The following ADGRB3 variants were observed in gnomAD, a reference collection of about 807,000 sequenced individuals.
ADGRB3 encodes the protein brain-specific angiogenesis inhibitor 3.
Under a neutral mutation model 193.4 loss-of-function variants are expected in ADGRB3, and 37 were observed. The ratio of observed to expected loss-of-function variants is 0.19; its 90% confidence interval spans 0.15 to 0.25. The LOEUF is 0.25. ADGRB3 is among the 10% of genes least tolerant of loss of function. The pLI is 1.00. For missense variants in ADGRB3, 1,637 were observed against 1,852.9 expected, an observed-to-expected ratio of 0.88 and a Z score of 2.14; for synonymous variants, 690 against 644.2, an observed-to-expected ratio of 1.07 and a Z score of -1.08.
intron 3 of ADGRB3, among the ~76,000 whole-genome samples, chr6:68,791,854 A>G (rs756154809): frequency 6.6e-6 from 1 of 152,190 alleles, no homozygotes; most frequent in Non-Finnish European, 1.5e-5. Context: ...CCAAGCCAAA[A>G]ATATAATAAT....
chr6:68,723,216 G>A (rs1765614383), intron 3 of ADGRB3, among the ~76,000 whole-genome samples: 1 of 151,762 alleles, frequency 6.6e-6, no homozygotes, highest in African/African-American at 2.4e-5. Flanking sequence ...CATGGAGTCA[G>A]TTCTTAGATC....
At position 69,372,527 on chromosome 6, in the gene ADGRB3, G is replaced by A. The variant is rs536326312; in HGVS notation, c.4275+86G>A. The A allele has an allele frequency of 9.9e-4, 598 of 605,132 alleles. 3 individuals are homozygous for A. The highest frequency in any genetic ancestry group is 1.4e-3 in the Non-Finnish European group (525 of 382,632). The allele number at this position is 605,132 out of a possible 1,614,324, so 37.5% of individuals were successfully genotyped here. ...TACTTAAAAATTATTACTCTATGCA[G>A]CCATGTAAGGGTATTATGTACTAAT... On this transcript the variant is annotated intron_variant, in intron 30 of 31. Transcript: ENST00000370598.
At chr6:69,120,860 C>T (rs1224694338) in intron 17 of ADGRB3, among the ~76,000 whole-genome samples, 1 of 152,064 alleles carries the variant, frequency 6.6e-6, no homozygotes, top group Non-Finnish European at 1.5e-5. Flanking sequence ...GTGTGTGACA[C>T]AGTAGAAGGA....
chr6:69,018,172 A>T (rs1433842482), intron 12 of ADGRB3, among the ~76,000 whole-genome samples: 1 of 151,900 alleles, frequency 6.6e-6, no homozygotes, highest in Non-Finnish European at 1.5e-5. Context: ...TTTATGAGGG[A>T]TTAATCACTA....
intron 30 of ADGRB3, among the ~76,000 whole-genome samples, chr6:69,381,178 C>T (rs1232812113): frequency 6.6e-6 from 1 of 151,862 alleles, no homozygotes; most frequent in Non-Finnish European, 1.5e-5. Flanking sequence ...CATTGAGTTG[C>T]TTATGCAAAT....
rs929824447 is a variant in ADGRB3 at position 69,239,148 on chromosome 6, A to G, written c.2736A>G (p.Ile912Met). The G allele has an allele frequency of 4.4e-6, 7 of 1,602,850 alleles. No individual in the cohort carries two copies. Among genetic ancestry groups the G allele is most frequent in the Admixed American group, 3.3e-5 (2 of 59,864 alleles). ...GGTACATACGCTCTGAGAGATCCAT[A>G]ATACTAATTAACTTCTGCCTGTCTA... The part of the protein sequence containing the change: ...LWRYIRSERS[I>M]ILINFCLSII... Residue 912 changes from isoleucine (I) to methionine (M), a missense_variant, in exon 20 of 32, where the codon ATA becomes ATG. Coordinates refer to ENST00000370598, the MANE Select transcript of ADGRB3 (RefSeq NM_001704.3).
intron 20 of ADGRB3, among the ~76,000 whole-genome samples, chr6:69,249,426 G>A (rs12209170): frequency 0.18 from 27,447 of 152,170 alleles, 2,697 homozygotes; most frequent in Middle Eastern, 0.26. Flanking sequence ...GAAGTTAAAA[G>A]TAGCTAACAA....
Position 68,943,946 on chromosome 6 carries a change from G to T in ADGRB3, c.1147G>T (p.Glu383Ter), listed in dbSNP as rs1412947820. 6.2e-7 allele frequency: 1 copy of T among 1,613,904 alleles called. No homozygotes were observed. Residue 383 changes from glutamate (E) to a stop codon, truncating the protein, a stop_gained, in exon 6 of 32, where the codon GAA becomes TAA. Coordinates refer to ENST00000370598, the MANE Select transcript of ADGRB3 (RefSeq NM_001704.3). LOFTEE classifies it high-confidence loss of function. The stretch of plus-strand genomic sequence containing the variant: ...TCCTCAGTATGGAGGAAGGCCGTGT[G>T]AAGGACCTGAAACACATCATAAGCC... The part of the protein sequence containing the change: ...TPPQYGGRPC[E>*]GPETHHKPCN...
At chr6:68,722,417 T>A (rs1765599799) in intron 3 of ADGRB3, among the ~76,000 whole-genome samples, 1 of 151,636 alleles carries the variant, frequency 6.6e-6, no homozygotes. Flanking sequence ...CCATGGCACG[T>A]GTACGTCTAT....
intron 20 of ADGRB3, among the ~76,000 whole-genome samples, chr6:69,302,859 T>C (rs1399881835): frequency 1.3e-5 from 2 of 151,910 alleles, no homozygotes; most frequent in Non-Finnish European, 2.9e-5. Context: ...CTTCACAGGA[T>C]TTATGACAGA....
At chr6:68,670,907 AT>A (rs1015443108) in intron 3 of ADGRB3, among the ~76,000 whole-genome samples, 4 of 151,760 alleles carry the variant, frequency 2.6e-5, no homozygotes, top group East Asian at 1.9e-4. Flanking sequence ...ATATTTTTCA[AT>A]TTTTTTGGTG....
chr6:69,012,971 ACAGT>A (rs1265222663), intron 11 of ADGRB3, among the ~76,000 whole-genome samples: 2 of 152,002 alleles, frequency 1.3e-5, no homozygotes, highest in Non-Finnish European at 2.9e-5. Flanking sequence ...CTACACACAG[ACAGT>A]CAGACGAGAT....
intron 3 of ADGRB3, among the ~76,000 whole-genome samples, chr6:68,793,346 G>C (rs1386009063): frequency 6.6e-6 from 1 of 151,998 alleles, no homozygotes; most frequent in Non-Finnish European, 1.5e-5. Context: ...ACCAAGTAAT[G>C]CTATTCTACA....
At chr6:69,133,217 T>A (rs965957572) in intron 17 of ADGRB3, among the ~76,000 whole-genome samples, 1 of 152,184 alleles carries the variant, frequency 6.6e-6, no homozygotes, top group Non-Finnish European at 1.5e-5. Context: ...CTTTGGGCAG[T>A]ATGGCCATTT....
At chr6:69,113,111 G>A (rs565000894) in intron 17 of ADGRB3, among the ~76,000 whole-genome samples, 1 of 152,236 alleles carries the variant, frequency 6.6e-6, no homozygotes, top group South Asian at 2.1e-4. Context: ...CAAATACTAT[G>A]CTATTTTATA....
At chr6:68,847,465 C>G (rs142516919) in intron 3 of ADGRB3, among the ~76,000 whole-genome samples, 2 of 152,244 alleles carry the variant, frequency 1.3e-5, no homozygotes, top group African/African-American at 4.8e-5. Flanking sequence ...TGGATGGGAC[C>G]TAGTGGGAGG....
At chr6:68,744,730 C>T (rs949374893) in intron 3 of ADGRB3, among the ~76,000 whole-genome samples, 1 of 151,924 alleles carries the variant, frequency 6.6e-6, no homozygotes, top group African/African-American at 2.4e-5. Context: ...CACACCAGGG[C>T]CTGTTGGGGG....
intron 15 of ADGRB3, among the ~76,000 whole-genome samples, chr6:69,056,655 G>A (rs1225290136): frequency 2.0e-5 from 3 of 151,952 alleles, no homozygotes; most frequent in Admixed American, 6.6e-5. Flanking sequence ...TATGGTGTAG[G>A]CACATGGATA....
chr6:69,011,910 C>A (rs4639298), intron 11 of ADGRB3, among the ~76,000 whole-genome samples: 7 of 151,918 alleles, frequency 4.6e-5, no homozygotes, highest in Non-Finnish European at 1.0e-4. Flanking sequence ...ATAGTGAGAA[C>A]AAATAACTTT....
Sources: allele counts gnomAD v4.1 joint callset (sites outside exome capture counted in the v4.1 genomes callset), GRCh38; gene constraint gnomAD v4.1.1; transcripts MANE v1.5; gene names NCBI Gene and HGNC (gene_info 2026-07-23, HGNC 2026-07-21).